RPH3A: variants seen among roughly 807,000 people sequenced by gnomAD.
RPH3A encodes the protein rabphilin 3A, also known as rabphilin-3A.
Under a neutral mutation model 102.2 loss-of-function variants are expected in RPH3A, and 48 were observed. That is an observed-to-expected ratio of 0.47 (90% CI 0.37 to 0.60). The LOEUF is 0.60. RPH3A is among the 20% of genes least tolerant of loss of function. RPH3A has a pLI of 0.00. For synonymous variants in RPH3A, 310 were observed against 324.3 expected (o/e 0.96, Z 0.47); for missense variants, 781 against 910.1 (o/e 0.86, Z 1.83).
chr12:112,865,856 G>A (rs1022795466), intron 6 of RPH3A, among the ~76,000 whole-genome samples: 2 of 152,234 alleles, frequency 1.3e-5, no homozygotes, highest in Non-Finnish European at 2.9e-5. Flanking sequence ...TTGTACCTTA[G>A]CAAGTTATGT....
chr12:112,694,662 A>G (rs950371146), intron 1 of RPH3A, among the ~76,000 whole-genome samples: 1 of 147,318 alleles, frequency 6.8e-6, no homozygotes, highest in African/African-American at 2.6e-5. Context: ...ACACACACAC[A>G]CACACACACA....
intron 4 of RPH3A, among the ~76,000 whole-genome samples, chr12:112,842,632 G>A (rs1247786124): frequency 1.3e-5 from 2 of 152,244 alleles, no homozygotes; most frequent in Non-Finnish European, 2.9e-5. Flanking sequence ...CCAGCAGCTA[G>A]CTAATGAGTT....
intron 16 of RPH3A, among the ~76,000 whole-genome samples, chr12:112,884,190 T>C (rs2042969736): frequency 1.3e-5 from 2 of 152,212 alleles, no homozygotes; most frequent in Non-Finnish European, 2.9e-5. Flanking sequence ...TAGAAAAGTG[T>C]AGAATATACT....
chr12:112,881,351 C>T (rs767597845), intron 14 of RPH3A, among the ~76,000 whole-genome samples: 1 of 152,128 alleles, frequency 6.6e-6, no homozygotes, highest in Non-Finnish European at 1.5e-5. Flanking sequence ...CTCCTTCCCC[C>T]GACCTTGCCT....
At chr12:112,779,603 A>T (rs1235088907) in intron 1 of RPH3A, among the ~76,000 whole-genome samples, 3 of 152,062 alleles carry the variant, frequency 2.0e-5, no homozygotes, top group Admixed American at 2.0e-4. Flanking sequence ...ACAGATGGAG[A>T]AGGTGAGGTA....
chr12:112,639,105 G>T (rs77063424), intron 1 of RPH3A, among the ~76,000 whole-genome samples: 2,147 of 152,132 alleles, frequency 0.014, 25 homozygotes, highest in Non-Finnish European at 0.02. Context: ...TCTTCTTTTG[G>T]GGTCTCCTGA....
chr12:112,635,453 C>T (rs546820544), intron 1 of RPH3A, among the ~76,000 whole-genome samples: 2 of 152,198 alleles, frequency 1.3e-5, no homozygotes, highest in African/African-American at 4.8e-5. Context: ...CTCATAGGAT[C>T]TTCATTAGGA....
At chr12:112,868,659 G>T in intron 8 of RPH3A, 64 bp downstream of exon 8, 2 of 1,537,546 alleles carry the variant, frequency 1.3e-6, no homozygotes, top group Middle Eastern at 4.4e-4. Context: ...GTCTACCTGA[G>T]GGATGGCCTG....
At chr12:112,804,292 A>AGCCT (rs2041414877) in intron 2 of RPH3A, among the ~76,000 whole-genome samples, 2 of 152,206 alleles carry the variant, frequency 1.3e-5, no homozygotes, top group Middle Eastern at 3.2e-3. Context: ...GGAAAAAAGC[A>AGCCT]GATGGTGAAT....
chr12:112,751,627 A>G (rs747982200), intron 1 of RPH3A, among the ~76,000 whole-genome samples: 10 of 152,146 alleles, frequency 6.6e-5, no homozygotes, highest in Non-Finnish European at 1.2e-4. Flanking sequence ...CTAAAAATAT[A>G]TGTATGAGGC....
chr12:112,867,466 C>G (rs1324079850), intron 7 of RPH3A, among the ~76,000 whole-genome samples: 3 of 152,156 alleles, frequency 2.0e-5, no homozygotes, highest in Non-Finnish European at 4.4e-5. Context: ...CTGTCAGGGG[C>G]CTGGCAGGAA....
chr12:112,876,774 C>T lies in RPH3A; in HGVS notation c.1079C>T (p.Ser360Phe), dbSNP rs747969214. 6.2e-7 allele frequency: 1 copy of T among 1,612,074 alleles called. No individual in the cohort carries two copies. Among genetic ancestry groups the T allele is most frequent in the African/African-American group, 1.3e-5 (1 of 74,846 alleles). Residue 360 changes from serine to phenylalanine, a missense_variant, in exon 13 of 22, where the codon TCT (serine) becomes TTT (phenylalanine). This residue lies in a region of RPH3A where 730 missense variants were observed against 810.0 expected (regional missense o/e 0.90). Coordinates refer to ENST00000389385, the MANE Select transcript of RPH3A (RefSeq NM_001143854.2). ...SHPSGPYSQASAAAPQPAAAR... is the reference protein window; with the variant it reads ...SHPSGPYSQAFAAAPQPAAAR... ...CCCTCCGGACCCTATTCCCAAGCAT[C>T]TGCAGCTGCCCCCCAGCCTGCTGCA...
At chr12:112,844,375 G>A (rs2042196873) in intron 4 of RPH3A, among the ~76,000 whole-genome samples, 1 of 152,154 alleles carries the variant, frequency 6.6e-6, no homozygotes, top group South Asian at 2.1e-4. Flanking sequence ...CTGGGGTAGG[G>A]ACTCTCTCAA....
rs919060444 is a variant in RPH3A, at chr12:112,875,752, G to T, written c.946+11G>T. The T allele has an allele frequency of 6.2e-7, 1 of 1,613,424 alleles. No homozygotes were observed. The highest frequency in any genetic ancestry group is 2.2e-5 in the East Asian group (1 of 44,844). ...CAGATCAGAAGCCAGGCAAGTATCT[G>T]CTTCCTCCCATGCCTGCCCAAGTGG... On this transcript the variant is annotated intron_variant, in intron 12 of 21. Coordinates refer to ENST00000389385, the MANE Select transcript of RPH3A (RefSeq NM_001143854.2).
intron 1 of RPH3A, among the ~76,000 whole-genome samples, chr12:112,711,714 G>A (rs962999845): frequency 1.3e-5 from 2 of 152,162 alleles, no homozygotes; most frequent in Admixed American, 1.3e-4. Context: ...CTCATTGGGC[G>A]GGCTCTGTTA....
In RPH3A at chr12:112,875,788, C is replaced by G. The variant is rs148149726; in HGVS notation, c.946+47C>G. Reference sequence around the variant, plus strand: ...TGCCTGCCCAAGTGGCCACCTCTCCCCTACCTCCCTGAGAGAGAGCAGGCA... The same window carrying G: ...TGCCTGCCCAAGTGGCCACCTCTCCGCTACCTCCCTGAGAGAGAGCAGGCA... On this transcript the variant is annotated intron_variant, in intron 12 of 21. Coordinates refer to ENST00000389385, the MANE Select transcript of RPH3A (RefSeq NM_001143854.2). The G allele has an allele frequency of 7.3e-4, 1,137 of 1,558,674 alleles. 13 individuals are homozygous for G. In the African/African-American group the frequency reaches 0.012, roughly 17 times the overall value.
chr12:112,646,883 G>A (rs61307887), intron 1 of RPH3A, among the ~76,000 whole-genome samples: 3,549 of 152,260 alleles, frequency 0.023, 139 homozygotes, highest in African/African-American at 0.08. Context: ...GACCGATGTG[G>A]AGATGACCTT....
intron 5 of RPH3A, among the ~76,000 whole-genome samples, chr12:112,853,029 A>T (rs1327397349): frequency 6.6e-6 from 1 of 152,200 alleles, no homozygotes; most frequent in Non-Finnish European, 1.5e-5. Context: ...GTGATGGAGG[A>T]GGAAGTCAGA....
intron 2 of RPH3A, among the ~76,000 whole-genome samples, chr12:112,814,443 T>C (rs944979911): frequency 1.3e-5 from 2 of 152,118 alleles, no homozygotes; most frequent in Non-Finnish European, 2.9e-5. Context: ...CCTCCAATGA[T>C]GGGGAGCCTA....
Sources: gnomAD v4.1 joint callset for allele counts (sites outside exome capture counted in the v4.1 genomes callset) on GRCh38, gnomAD v4.1.1 for gene constraint, gnomAD v4.1.1 regional missense constraint, MANE v1.5 for transcripts, NCBI Gene and HGNC (gene_info 2026-07-23, HGNC 2026-07-21) for gene names.